Variants in SLC44A5 observed in about 807,000 individuals in gnomAD.
SLC44A5 encodes choline transporter-like protein 5.
SLC44A5 carries 57 observed loss-of-function variants against 101.8 expected under a neutral mutation model. That is an observed-to-expected ratio of 0.56 (90% CI 0.45 to 0.70). SLC44A5 has a LOEUF of 0.70. Ranked by LOEUF, SLC44A5 falls within the 30% of genes least tolerant of loss-of-function variation. The probability of loss-of-function intolerance (pLI) is 0.00; values close to 1 mark genes in which losing one functional copy is unlikely to be tolerated. For missense variants in SLC44A5, 737 were observed against 853.1 expected (o/e 0.86, Z 1.70); for synonymous variants, 281 against 290.9 (o/e 0.97, Z 0.35).
chr1:75,697,529 G>A, the SLC44A5 span, among the ~76,000 whole-genome samples: 2 of 152,194 alleles, frequency 1.3e-5, no homozygotes, highest in Admixed American at 6.5e-5. Flanking sequence ...GCTCAAACCT[G>A]TAATCCTAGC....
At chr1:75,678,946 C>G in the SLC44A5 span, among the ~76,000 whole-genome samples, 2 of 152,016 alleles carry the variant, frequency 1.3e-5, no homozygotes, top group East Asian at 1.9e-4. Flanking sequence ...AACGAAGGCT[C>G]GAGAACTACG....
In SLC44A5 at chr1:75,592,828, A is replaced by T. The variant is rs181553501; in HGVS notation, c.-70+18212T>A. 8.0e-4 allele frequency among the ~76,000 whole-genome samples: 122 copies of T among 152,228 alleles called. 1 individual carries two copies. Among genetic ancestry groups the T allele is most frequent in the African/African-American group, 2.8e-3 (118 of 41,574 alleles). On this transcript the variant is annotated intron_variant, in intron 1 of 23. Transcript: ENST00000370859. ...TGAAATTAGACCCCTGTCTCTCACC[A>T]TACACACAAATCAAATCAAAATGGA...
At chr1:75,647,758 G>T in the SLC44A5 span, among the ~76,000 whole-genome samples, 5 of 152,118 alleles carry the variant, frequency 3.3e-5, no homozygotes, top group Non-Finnish European at 7.3e-5. Context: ...TAGCCCCTTT[G>T]CTTTGGCCAA....
chr1:75,587,586 G>T lies in SLC44A5; in HGVS notation c.-70+23454C>A, dbSNP rs373472391. Among the ~76,000 whole-genome samples the T allele has an allele frequency of 2.8e-4, 42 of 152,226 alleles. No individual in the cohort carries two copies. The South Asian group carries it at 8.3e-3, about 30-fold the overall frequency. Reference sequence around the variant, plus strand: ...GTCAAGAGATACCTTTCCTCCAGTTGTTGTTTTGGTAATAAATTTTTTTGA... The same window carrying T: ...GTCAAGAGATACCTTTCCTCCAGTTTTTGTTTTGGTAATAAATTTTTTTGA... On this transcript the variant is annotated intron_variant, in intron 1 of 23. Transcript: ENST00000370859.
intron 23 of SLC44A5, among the ~76,000 whole-genome samples, chr1:75,210,928 T>C (rs1002604655): frequency 6.6e-6 from 1 of 152,178 alleles, no homozygotes; most frequent in Non-Finnish European, 1.5e-5. Context: ...ATATTTAAGG[T>C]GTGTAATGTT....
intron 3 of SLC44A5, among the ~76,000 whole-genome samples, chr1:75,395,312 C>T (rs1197543186): frequency 1.3e-5 from 2 of 152,000 alleles, no homozygotes; most frequent in Non-Finnish European, 2.9e-5. Flanking sequence ...TCTGATGGCA[C>T]AAAAAAGACT....
chr1:75,273,788 G>C (rs773701765), intron 6 of SLC44A5, among the ~76,000 whole-genome samples: 3 of 151,946 alleles, frequency 2.0e-5, no homozygotes, highest in Non-Finnish European at 4.4e-5. Flanking sequence ...CTAGTATTTT[G>C]TTAAGAATTT....
chr1:75,436,691 A>T (rs1019968933), intron 2 of SLC44A5, among the ~76,000 whole-genome samples: 1 of 152,170 alleles, frequency 6.6e-6, no homozygotes, highest in Non-Finnish European at 1.5e-5. Flanking sequence ...AATTAACCTT[A>T]GCTTACTAAT....
At chr1:75,275,524 T>C (rs774081245) in intron 5 of SLC44A5, among the ~76,000 whole-genome samples, 30 of 152,160 alleles carry the variant, frequency 2.0e-4, no homozygotes, top group Non-Finnish European at 4.3e-4. Context: ...TTCTTTATGA[T>C]TTCATGTGAC....
intron 1 of SLC44A5, 33 bp from the exon 2 acceptor site, chr1:75,541,549 T>G: frequency 6.9e-7 from 1 of 1,453,904 alleles, no homozygotes; most frequent in Non-Finnish European, 9.4e-7. Context: ...GATAGTTACC[T>G]AAAGCAAATT....
chr1:75,671,357 T>C, the SLC44A5 span, among the ~76,000 whole-genome samples: 1 of 152,086 alleles, frequency 6.6e-6, no homozygotes, highest in Non-Finnish European at 1.5e-5. Flanking sequence ...CTCTTCAAAA[T>C]TAGCAAGGCC....
intron 2 of SLC44A5, among the ~76,000 whole-genome samples, chr1:75,408,183 G>A (rs931445672): frequency 6.6e-6 from 1 of 152,212 alleles, no homozygotes; most frequent in Non-Finnish European, 1.5e-5. Context: ...ACACTGGATA[G>A]AATGGTGATC....
At chr1:75,626,035 C>G in the SLC44A5 span, among the ~76,000 whole-genome samples, 2 of 151,934 alleles carry the variant, frequency 1.3e-5, no homozygotes, top group African/African-American at 4.8e-5. Flanking sequence ...CTGAGAAAAC[C>G]GGAAATGATT....
chr1:75,576,178 A>AT (rs1349918406), intron 1 of SLC44A5, among the ~76,000 whole-genome samples: 1 of 152,132 alleles, frequency 6.6e-6, no homozygotes, highest in Non-Finnish European at 1.5e-5. Flanking sequence ...AAATAAAAAT[A>AT]TTTTTATAAA....
the SLC44A5 span, among the ~76,000 whole-genome samples, chr1:75,683,798 A>G: frequency 5.3e-5 from 8 of 151,986 alleles, no homozygotes; most frequent in Non-Finnish European, 1.2e-4. Flanking sequence ...CTTGGAAAAG[A>G]AATAAGACAG....
intron 3 of SLC44A5, among the ~76,000 whole-genome samples, chr1:75,341,068 T>A (rs1657839525): frequency 6.6e-6 from 1 of 152,246 alleles, no homozygotes; most frequent in African/African-American, 2.4e-5. Context: ...AATAATTCGT[T>A]CTCTCTTGGC....
chr1:75,687,058 A>G, the SLC44A5 span, among the ~76,000 whole-genome samples: 1 of 152,182 alleles, frequency 6.6e-6, no homozygotes, highest in Non-Finnish European at 1.5e-5. Flanking sequence ...AACTAGCAAA[A>G]GGAAACTTTT....
chr1:75,488,179 A>G (rs1036628045), intron 2 of SLC44A5, among the ~76,000 whole-genome samples: 3 of 152,212 alleles, frequency 2.0e-5, no homozygotes, highest in African/African-American at 7.2e-5. Flanking sequence ...ATATGTTACA[A>G]TGTAAAAATA....
chr1:75,444,989 T>C (rs1351911537), intron 2 of SLC44A5, among the ~76,000 whole-genome samples: 1 of 152,074 alleles, frequency 6.6e-6, no homozygotes, highest in Non-Finnish European at 1.5e-5. Context: ...TAGGAGAGTA[T>C]ATTGAACAAG....
Sources: gnomAD v4.1 joint callset for allele counts (sites outside exome capture counted in the v4.1 genomes callset) on GRCh38, gnomAD v4.1.1 for gene constraint, MANE v1.5 for transcripts, NCBI Gene and HGNC (gene_info 2026-07-23, HGNC 2026-07-21) for gene names.